Variants in C12orf42 observed in about 807,000 individuals in gnomAD.
C12orf42 encodes chromosome 12 open reading frame 42, also known as uncharacterized protein C12orf42.
C12orf42 carries 25 observed loss-of-function variants against 21.6 expected under a neutral mutation model. The ratio of observed to expected loss-of-function variants is 1.16; its 90% CI spans 0.84 to 1.62. C12orf42 has a LOEUF of 1.62. C12orf42 is among the 40% of genes most tolerant of loss of function. C12orf42 has a pLI of 0.00. For missense variants in C12orf42, 483 were observed against 459.3 expected, an observed-to-expected ratio of 1.05 and a Z score of -0.47; for synonymous variants, 174 against 175.0, an observed-to-expected ratio of 0.99 and a Z score of 0.05.
At chr12:103,061,793 T>C in the C12orf42 span, among the ~76,000 whole-genome samples, 124 of 152,100 alleles carry the variant, frequency 8.2e-4, 7 homozygotes, top group South Asian at 0.025. Flanking sequence ...CACACAGTTG[T>C]GTTTTTACCT....
In C12orf42 at chr12:103,462,334, C is replaced by A. The variant is rs535827212; in HGVS notation, c.78+16015G>T. 2.0e-5 allele frequency among the ~76,000 whole-genome samples: 3 copies of A among 151,760 alleles called. No homozygotes were observed. In the East Asian group the frequency reaches 5.8e-4, roughly 29 times the overall value. On this transcript the variant is annotated intron_variant, in intron 2 of 5. Coordinates refer to ENST00000548883, the MANE Select transcript of C12orf42 (RefSeq NM_198521.5). ...CCATGTTGGCCAGGCTGGTCTCGAA[C>A]CCCTGACCTCAGGTGATCCACCCAC...
the C12orf42 span, among the ~76,000 whole-genome samples, chr12:103,123,726 TA>T: frequency 6.6e-6 from 1 of 151,974 alleles, no homozygotes; most frequent in African/African-American, 2.4e-5. Flanking sequence ...TAATAAATTT[TA>T]TATTGATTAC....
At chr12:103,423,168 G>T (rs970802198) in intron 2 of C12orf42, among the ~76,000 whole-genome samples, 8 of 152,284 alleles carry the variant, frequency 5.3e-5, no homozygotes, top group Non-Finnish European at 7.4e-5. Flanking sequence ...TTGCCCTGGG[G>T]CCCCCAGCCC....
At chr12:103,393,318 A>G (rs537514583) in intron 3 of C12orf42, among the ~76,000 whole-genome samples, 1 of 152,264 alleles carries the variant, frequency 6.6e-6, no homozygotes, top group East Asian at 1.9e-4. Context: ...TGGGAGCAAG[A>G]GGGAGAAAAA....
At chr12:103,446,891 T>C (rs150628087) in intron 2 of C12orf42, among the ~76,000 whole-genome samples, 174 of 150,092 alleles carry the variant, frequency 1.2e-3, no homozygotes, top group African/African-American at 3.8e-3. Flanking sequence ...AGAAATGAGA[T>C]AGATGGCAAC....
At chr12:103,105,764 C>T in the C12orf42 span, among the ~76,000 whole-genome samples, 2 of 152,008 alleles carry the variant, frequency 1.3e-5, no homozygotes, top group Non-Finnish European at 2.9e-5. Flanking sequence ...AAACTCAATA[C>T]ACAAATTGAC....
chr12:103,180,615 CTTTTTTTTTTTTTTTT>C, the C12orf42 span, among the ~76,000 whole-genome samples: 2 of 61,992 alleles, frequency 3.2e-5, no homozygotes, highest in East Asian at 4.6e-4. Flanking sequence ...AAATAATTTC[CTTTTTTTTTTTTTTTT>C]TTTTTTTTTT....
At chr12:103,516,355 A>G in the C12orf42 span, among the ~76,000 whole-genome samples, 1 of 152,238 alleles carries the variant, frequency 6.6e-6, no homozygotes, top group Admixed American at 6.5e-5. Flanking sequence ...AACCTGATGG[A>G]AAGCAACATA....
At chr12:103,493,452 C>T (rs192274298) in intron 1 of C12orf42, among the ~76,000 whole-genome samples, 1 of 152,096 alleles carries the variant, frequency 6.6e-6, no homozygotes, top group Admixed American at 6.5e-5. Context: ...TTCAGTGACT[C>T]AGGATCCCTG....
At chr12:103,328,232 G>A (rs1225266904) in intron 4 of C12orf42, among the ~76,000 whole-genome samples, 1 of 151,748 alleles carries the variant, frequency 6.6e-6, no homozygotes, top group Admixed American at 6.6e-5. Context: ...TTCAGATATC[G>A]ACCCCTGAAC....
At chr12:103,471,236 A>T (rs1203650609) in intron 2 of C12orf42, among the ~76,000 whole-genome samples, 1 of 152,144 alleles carries the variant, frequency 6.6e-6, no homozygotes, top group Non-Finnish European at 1.5e-5. Context: ...AATGTGTTTC[A>T]TGGTTGCATT....
the C12orf42 span, among the ~76,000 whole-genome samples, chr12:103,086,735 T>C: frequency 6.6e-6 from 1 of 152,030 alleles, no homozygotes. Context: ...TTACACTGCT[T>C]CATCAAAACG....
At chr12:103,426,621 G>T (rs571260302) in intron 2 of C12orf42, among the ~76,000 whole-genome samples, 1 of 152,214 alleles carries the variant, frequency 6.6e-6, no homozygotes, top group South Asian at 2.1e-4. Context: ...ACACCACAAA[G>T]ATACTCCTCA....
intron 1 of C12orf42, among the ~76,000 whole-genome samples, chr12:103,480,014 T>C (rs933470944): frequency 2.0e-5 from 3 of 151,970 alleles, no homozygotes. Flanking sequence ...GGATTTAAAT[T>C]ACTTGCCCCT....
At chr12:103,343,992 C>T (rs2042396818) in intron 4 of C12orf42, among the ~76,000 whole-genome samples, 1 of 152,088 alleles carries the variant, frequency 6.6e-6, no homozygotes, top group Non-Finnish European at 1.5e-5. Flanking sequence ...CTTGAGTGTA[C>T]ATATCTACAA....
intron 5 of C12orf42, among the ~76,000 whole-genome samples, chr12:103,272,496 C>T (rs1464056646): frequency 6.6e-6 from 1 of 152,150 alleles, no homozygotes; most frequent in Non-Finnish European, 1.5e-5. Context: ...AGTACATAAC[C>T]ATTATGTTGA....
At chr12:103,406,558 T>C (rs1417591866) in intron 2 of C12orf42, among the ~76,000 whole-genome samples, 1 of 152,240 alleles carries the variant, frequency 6.6e-6, no homozygotes, top group Non-Finnish European at 1.5e-5. Context: ...TCTCTCCACT[T>C]GTCCAGATGT....
chr12:103,277,925 A>AT (rs1371712380), intron 4 of C12orf42, among the ~76,000 whole-genome samples: 1 of 152,164 alleles, frequency 6.6e-6, no homozygotes, highest in Non-Finnish European at 1.5e-5. Context: ...GATGAGCACA[A>AT]TTTTTTAATT....
At chr12:103,049,306 A>G in the C12orf42 span, among the ~76,000 whole-genome samples, 2 of 152,156 alleles carry the variant, frequency 1.3e-5, no homozygotes, top group South Asian at 4.1e-4. Flanking sequence ...CAAATCTTGG[A>G]GTGATGTTTG....
Sources: gnomAD v4.1 joint callset for allele counts (sites outside exome capture counted in the v4.1 genomes callset) on GRCh38, gnomAD v4.1.1 for gene constraint, MANE v1.5 for transcripts, NCBI Gene and HGNC (gene_info 2026-07-23, HGNC 2026-07-21) for gene names.